The following GALNT1 variants were observed in gnomAD, a reference collection of about 807,000 sequenced individuals.
GALNT1 encodes the protein GalNAc transferase 1.
GALNT1 carries 17 observed loss-of-function variants against 65.7 expected under a neutral mutation model. The observed-to-expected ratio is 0.26, with a 90% CI of 0.18 to 0.39. GALNT1 has a LOEUF of 0.39. Among genes scored for constraint, GALNT1 ranks in the 10% least tolerant of loss-of-function variants. GALNT1 has a pLI of 1.00. For synonymous variants in GALNT1, 210 were observed against 219.7 expected (o/e 0.96, Z 0.39); for missense variants, 460 against 672.8 (o/e 0.68, Z 3.50).
chr18:35,628,088 A>G (rs1199550220), intron 1 of GALNT1, among the ~76,000 whole-genome samples: 1 of 152,186 alleles, frequency 6.6e-6, no homozygotes, highest in Non-Finnish European at 1.5e-5. Flanking sequence ...AACTGGGTGG[A>G]ACCCACCGCA....
intron 9 of GALNT1, among the ~76,000 whole-genome samples, chr18:35,698,673 T>A (rs2048102922): frequency 2.6e-5 from 4 of 151,932 alleles, no homozygotes. Flanking sequence ...CATTAACAAC[T>A]GCTGTTTTAA....
intron 5 of GALNT1, 48 bp downstream of exon 5, chr18:35,683,646 A>G: frequency 1.4e-6 from 2 of 1,453,660 alleles, no homozygotes; most frequent in South Asian, 2.5e-5. Context: ...TTTGTCCTAA[A>G]CTATATGGTG....
intron 1 of GALNT1, among the ~76,000 whole-genome samples, chr18:35,595,631 T>G (rs571893197): frequency 3.3e-5 from 5 of 152,204 alleles, no homozygotes; most frequent in Non-Finnish European, 7.3e-5. Flanking sequence ...GTTAACATGT[T>G]TTTGCATAAA....
At chr18:35,652,998 A>G (rs2047330611) in intron 1 of GALNT1, among the ~76,000 whole-genome samples, 1 of 152,248 alleles carries the variant, frequency 6.6e-6, no homozygotes, top group African/African-American at 2.4e-5. Flanking sequence ...AACACAAAAT[A>G]TAAATGTATG....
chr18:35,645,216 A>ATTTTTTTTTTTTTTTTTTTTTTT (rs1568022797), intron 1 of GALNT1, among the ~76,000 whole-genome samples: 1 of 121,098 alleles, frequency 8.3e-6, no homozygotes, highest in African/African-American at 3.1e-5. Flanking sequence ...GCTATTTTGA[A>ATTTTTTTTTTTTTTTTTTTTTTT]TGTTTTTTTT....
chr18:35,655,320 T>A lies in GALNT1; in HGVS notation c.139+519T>A, dbSNP rs375322435. Among the ~76,000 whole-genome samples the A allele has an allele frequency of 4.6e-5, 7 of 150,850 alleles. No homozygotes were observed. The South Asian group carries it at 1.1e-3, about 23-fold the overall frequency. On this transcript the variant is annotated intron_variant, in intron 2 of 11. Coordinates refer to ENST00000269195, the MANE Select transcript of GALNT1 (RefSeq NM_020474.4). Reference sequence around the variant, plus strand: ...GGAGAACTTTTTTGAAAAGATTGGGTGATAGAATAGAGGCTGCAGTGAGAT... The same window carrying A: ...GGAGAACTTTTTTGAAAAGATTGGGAGATAGAATAGAGGCTGCAGTGAGAT...
Position 35,692,221 on chromosome 18 carries a change from T to C in GALNT1, c.1200T>C (p.Val400=). ...KVDYGDISSR[V]GLRHKLQCKP... ...ATTATGGAGATATATCGTCAAGAGT[T>C]GGTCTAAGACACAAACTACAATGCA... Residue 400 remains valine (V), a synonymous_variant, in exon 9 of 12, where the codon GTT becomes GTC. Transcript: ENST00000269195. 1 of 1,610,982 alleles carries C rather than the reference T, an allele frequency of 6.2e-7. No individual in the cohort carries two copies. The highest frequency in any genetic ancestry group is 2.2e-5 in the East Asian group (1 of 44,766).
chr18:35,662,346 A>G (rs1568026750), intron 2 of GALNT1, among the ~76,000 whole-genome samples: 1 of 152,256 alleles, frequency 6.6e-6, no homozygotes, highest in Non-Finnish European at 1.5e-5. Context: ...AATGTTCCAC[A>G]TAAAATCCCA....
At chr18:35,687,427 G>C (rs1386801628) in intron 6 of GALNT1, among the ~76,000 whole-genome samples, 2 of 152,146 alleles carry the variant, frequency 1.3e-5, no homozygotes, top group African/African-American at 4.8e-5. Context: ...TGACATGCGT[G>C]TTTTTTCATT....
At chr18:35,633,955 AATC>A (rs1404054753) in intron 1 of GALNT1, among the ~76,000 whole-genome samples, 1 of 152,154 alleles carries the variant, frequency 6.6e-6, no homozygotes, top group Non-Finnish European at 1.5e-5. Context: ...GTGATCTAGA[AATC>A]ATTCCCAGAG....
At chr18:35,631,796 A>G (rs1360568588) in intron 1 of GALNT1, among the ~76,000 whole-genome samples, 7 of 152,354 alleles carry the variant, frequency 4.6e-5, no homozygotes, top group Admixed American at 2.6e-4. Flanking sequence ...ATGATTGTAT[A>G]TCTAGAAAAC....
intron 1 of GALNT1, among the ~76,000 whole-genome samples, chr18:35,642,704 T>G (rs7240353): frequency 0.25 from 38,313 of 151,962 alleles, 5,809 homozygotes; most frequent in African/African-American, 0.42. Flanking sequence ...ACCCACAGAG[T>G]GGAAGCTCAT....
At chr18:35,625,794 A>G (rs1448926439) in intron 1 of GALNT1, among the ~76,000 whole-genome samples, 1 of 152,170 alleles carries the variant, frequency 6.6e-6, no homozygotes, top group Non-Finnish European at 1.5e-5. Flanking sequence ...TAGTGGGCAG[A>G]AAGATGCATA....
At chr18:35,639,005 C>CA (rs1394110339) in intron 1 of GALNT1, among the ~76,000 whole-genome samples, 1 of 152,156 alleles carries the variant, frequency 6.6e-6, no homozygotes, top group Non-Finnish European at 1.5e-5. Flanking sequence ...TTTCTTGAGA[C>CA]AGACTCTGCT....
At chr18:35,617,004 T>C (rs1279750409) in intron 1 of GALNT1, among the ~76,000 whole-genome samples, 2 of 152,076 alleles carry the variant, frequency 1.3e-5, no homozygotes, top group African/African-American at 4.8e-5. Flanking sequence ...TGAGGTGTGG[T>C]ATGAAAACAA....
chr18:35,702,195 T>TAC (rs1031403233), intron 9 of GALNT1, among the ~76,000 whole-genome samples: 1 of 152,232 alleles, frequency 6.6e-6, no homozygotes, highest in Non-Finnish European at 1.5e-5. Context: ...CAAAATTAGT[T>TAC]ACCTTTTTTA....
At chr18:35,613,085 C>G (rs2046738292) in intron 1 of GALNT1, among the ~76,000 whole-genome samples, 1 of 152,182 alleles carries the variant, frequency 6.6e-6, no homozygotes, top group Non-Finnish European at 1.5e-5. Context: ...ATTTTTCTTT[C>G]TTTCCATTGC....
At chr18:35,618,160 G>A (rs892859735) in intron 1 of GALNT1, among the ~76,000 whole-genome samples, 2 of 151,750 alleles carry the variant, frequency 1.3e-5, no homozygotes, top group African/African-American at 4.8e-5. Context: ...ATAGCATTAT[G>A]TGCAGTACCA....
At chr18:35,605,417 G>A (rs1402281438) in intron 1 of GALNT1, among the ~76,000 whole-genome samples, 1 of 151,188 alleles carries the variant, frequency 6.6e-6, no homozygotes, top group Non-Finnish European at 1.5e-5. Context: ...AAAATTGCTT[G>A]AACTGAGGAG....
Sources: gnomAD v4.1 joint callset for allele counts (sites outside exome capture counted in the v4.1 genomes callset) on GRCh38, gnomAD v4.1.1 for gene constraint, MANE v1.5 for transcripts, NCBI Gene and HGNC (gene_info 2026-07-23, HGNC 2026-07-21) for gene names.